CDK15: variants seen among roughly 807,000 people sequenced by gnomAD.
CDK15 encodes cyclin dependent kinase 15, also known as cyclin-dependent kinase 15.
CDK15 carries 62 observed loss-of-function variants against 60.3 expected under a neutral mutation model. The ratio of observed to expected loss-of-function variants is 1.03; its 90% CI spans 0.84 to 1.27. The LOEUF (loss-of-function observed/expected upper bound fraction) is 1.27, where lower values mean the gene tolerates loss of function less well. Ranked by LOEUF, CDK15 falls within the 50% of genes most tolerant of loss-of-function variation. CDK15 has a pLI of 0.00. For synonymous variants in CDK15, 194 were observed against 195.7 expected (o/e 0.99, Z 0.07); for missense variants, 541 against 527.8 (o/e 1.03, Z -0.25).
At chr2:201,831,462 G>A (rs1696750305) in intron 6 of CDK15, among the ~76,000 whole-genome samples, 1 of 152,316 alleles carries the variant, frequency 6.6e-6, no homozygotes, top group African/African-American at 2.4e-5. Context: ...GTTATGTTAG[G>A]ATGCAATAAT....
chr2:201,836,281 G>C (rs1415491471), intron 8 of CDK15, among the ~76,000 whole-genome samples: 1 of 140,840 alleles, frequency 7.1e-6, no homozygotes, highest in Non-Finnish European at 1.5e-5. Flanking sequence ...TCAGCTCACT[G>C]CAACCTCCAC....
In CDK15 at chr2:201,880,059, G is replaced by A; in HGVS notation, c.1090G>A (p.Ala364Thr). 2 of 1,614,086 alleles carry A rather than the reference G, an allele frequency of 1.2e-6. No homozygotes were observed. Among genetic ancestry groups the A allele is most frequent in the Non-Finnish European group, 1.7e-6 (2 of 1,180,008 alleles). The change falls in exon 12 of 14, where the codon GCC becomes ACC. Residue 364 changes from alanine (A) to threonine (T), a missense_variant. By Grantham distance (58) the Ala-to-Thr change is moderately conservative (BLOSUM62 0). Coordinates refer to ENST00000652192, the MANE Select transcript of CDK15 (RefSeq NM_001366386.2). ...CAGGGTTCCTGAAGCTGAAGACCTG[G>A]CCTCCCAGATGCTAAAAGGCTTTCC... ...LGRVPEAEDL[A>T]SQMLKGFPRD... is the part of the protein sequence containing the mutation.
intron 11 of CDK15, among the ~76,000 whole-genome samples, chr2:201,875,952 A>C (rs897251806): frequency 1.3e-5 from 2 of 152,238 alleles, no homozygotes; most frequent in Admixed American, 1.3e-4. Flanking sequence ...GGACTGATTT[A>C]TCACAGGATT....
chr2:201,816,256 G>C (rs987735964), intron 4 of CDK15, among the ~76,000 whole-genome samples: 1 of 152,002 alleles, frequency 6.6e-6, no homozygotes, highest in East Asian at 1.9e-4. Context: ...TTCAACCCGT[G>C]TCCCTCTCCC....
At chr2:201,814,224 C>T (rs1270393422) in intron 4 of CDK15, among the ~76,000 whole-genome samples, 1 of 152,166 alleles carries the variant, frequency 6.6e-6, no homozygotes, top group Non-Finnish European at 1.5e-5. Flanking sequence ...AACCTGGATC[C>T]GTTTTCTTCT....
chr2:201,850,178 T>C (rs971056229), intron 9 of CDK15, among the ~76,000 whole-genome samples: 1 of 152,204 alleles, frequency 6.6e-6, no homozygotes, highest in African/African-American at 2.4e-5. Flanking sequence ...TGTGTGCCTA[T>C]AGTCCCTACT....
At chr2:201,811,586 C>T (rs1328583124) in intron 3 of CDK15, among the ~76,000 whole-genome samples, 2 of 152,160 alleles carry the variant, frequency 1.3e-5, no homozygotes, top group African/African-American at 4.8e-5. Context: ...TTTATACCTG[C>T]ATTAAAATCT....
intron 11 of CDK15, among the ~76,000 whole-genome samples, chr2:201,878,223 A>G (rs887542318): frequency 7.9e-5 from 12 of 152,200 alleles, no homozygotes; most frequent in Non-Finnish European, 1.6e-4. Flanking sequence ...AATGATTGGC[A>G]TTAGATGAGC....
intron 9 of CDK15, among the ~76,000 whole-genome samples, chr2:201,848,039 T>G (rs978139089): frequency 2.0e-5 from 3 of 152,020 alleles, no homozygotes; most frequent in Non-Finnish European, 4.4e-5. Flanking sequence ...GATGGGAGGA[T>G]CACTTGAGCC....
At chr2:201,852,008 A>G (rs1453941120) in intron 9 of CDK15, among the ~76,000 whole-genome samples, 1 of 152,114 alleles carries the variant, frequency 6.6e-6, no homozygotes, top group Non-Finnish European at 1.5e-5. Flanking sequence ...AGTTCCTTAT[A>G]TATTTTTGAT....
At chr2:201,826,182 C>A (rs534780642) in intron 6 of CDK15, among the ~76,000 whole-genome samples, 1 of 152,148 alleles carries the variant, frequency 6.6e-6, no homozygotes, top group Admixed American at 6.5e-5. Flanking sequence ...TCAGATCGGC[C>A]GGGCGCAGTG....
chr2:201,871,213 G>A (rs1698841106), intron 10 of CDK15, among the ~76,000 whole-genome samples: 1 of 151,966 alleles, frequency 6.6e-6, no homozygotes, highest in African/African-American at 2.4e-5. Flanking sequence ...AGGCTGGAGT[G>A]CAGTGGCACA....
At chr2:201,835,323 G>A (rs7600060) in intron 7 of CDK15, among the ~76,000 whole-genome samples, 90,934 of 151,804 alleles carry the variant, frequency 0.6, 28,207 homozygotes, top group Admixed American at 0.71. Context: ...GGGAGAAAAG[G>A]GAAGCAGAAC....
Position 201,890,914 on chromosome 2 carries a change from C to G in CDK15, c.*20C>G, listed in dbSNP as rs1261723341. 1 of 1,574,336 alleles carries G rather than the reference C, an allele frequency of 6.4e-7. No homozygotes were observed. The highest frequency in any genetic ancestry group is 1.7e-5 in the Admixed American group (1 of 59,152). On this transcript the variant is annotated 3_prime_UTR_variant, in exon 13 of 14. Transcript: ENST00000652192. ...TGGTGAAAAGAAAGGGCGAGATCAC[C>G]AAGGTTCTTCCAGGTAAGTGGTTGC...
At chr2:201,850,409 GC>G (rs2105780314) in intron 9 of CDK15, among the ~76,000 whole-genome samples, 1 of 152,270 alleles carries the variant, frequency 6.6e-6, no homozygotes, top group East Asian at 1.9e-4. Context: ...TGAGCAAGAT[GC>G]TTCTCAAAGC....
chr2:201,812,263 C>CAT (rs899693679), intron 3 of CDK15, among the ~76,000 whole-genome samples: 73 of 147,946 alleles, frequency 4.9e-4, no homozygotes, highest in African/African-American at 1.1e-3. Context: ...CTATAATGGA[C>CAT]ATATATATAT....
At chr2:201,812,033 G>T (rs1209086543) in intron 3 of CDK15, among the ~76,000 whole-genome samples, 8 of 151,980 alleles carry the variant, frequency 5.3e-5, no homozygotes, top group Non-Finnish European at 1.0e-4. Context: ...AATTAGCCAG[G>T]TGTGGTGGGG....
At chr2:201,812,632 T>C in intron 4 of CDK15, 70 bp downstream of exon 4, 1 of 947,882 alleles carries the variant, frequency 1.1e-6, no homozygotes, top group Non-Finnish European at 1.7e-6. Context: ...TGTATTGCAT[T>C]GATCCATTCA....
intron 10 of CDK15, among the ~76,000 whole-genome samples, chr2:201,865,875 G>A (rs574309282): frequency 1.2e-3 from 124 of 106,992 alleles, no homozygotes; most frequent in African/African-American, 4.6e-3. Flanking sequence ...GGGCGACAGA[G>A]CAAGATTCCA....
Sources: allele counts gnomAD v4.1 joint callset (sites outside exome capture counted in the v4.1 genomes callset), GRCh38; gene constraint gnomAD v4.1.1; transcripts MANE v1.5; gene names NCBI Gene and HGNC (gene_info 2026-07-23, HGNC 2026-07-21).